The following GFRA1 variants were observed in gnomAD, a reference collection of about 807,000 sequenced individuals.
GFRA1 encodes GDNF family receptor alpha-1.
In GFRA1, 16 loss-of-function variants were observed where a neutral mutation model predicts 51.6. The observed-to-expected ratio is 0.31, with a 90% CI of 0.21 to 0.47. The LOEUF is 0.47. GFRA1 is among the 20% of genes least tolerant of loss of function. The pLI, the probability that GFRA1 is intolerant of heterozygous loss-of-function variation, is 1.00. For missense variants in GFRA1, 530 were observed against 594.3 expected, an observed-to-expected ratio of 0.89 and a Z score of 1.13; for synonymous variants, 270 against 241.3, an observed-to-expected ratio of 1.12 and a Z score of -1.10.
chr10:116,118,578 C>T (rs1277473202), intron 6 of GFRA1, among the ~76,000 whole-genome samples: 2 of 152,140 alleles, frequency 1.3e-5, no homozygotes, highest in Admixed American at 6.5e-5. Context: ...TCCTGAGACC[C>T]TCTGCTGTGA....
intron 5 of GFRA1, among the ~76,000 whole-genome samples, chr10:116,199,206 T>C (rs1432856442): frequency 1.3e-5 from 2 of 152,216 alleles, no homozygotes; most frequent in Non-Finnish European, 2.9e-5. Flanking sequence ...TCCTTTATTA[T>C]AGCATCCTAA....
intron 6 of GFRA1, among the ~76,000 whole-genome samples, chr10:116,109,582 C>T (rs1437406075): frequency 6.6e-6 from 1 of 152,180 alleles, no homozygotes; most frequent in African/African-American, 2.4e-5. Flanking sequence ...CTGTGTTCCC[C>T]CAGAGGGCAC....
At chr10:116,231,096 G>A (rs1195865761) in intron 4 of GFRA1, among the ~76,000 whole-genome samples, 2 of 152,198 alleles carry the variant, frequency 1.3e-5, no homozygotes, top group African/African-American at 2.4e-5. Flanking sequence ...TTCGTGTCAT[G>A]AGGGGTCATG....
chr10:116,198,995 G>A (rs138775983), intron 5 of GFRA1, among the ~76,000 whole-genome samples: 361 of 152,248 alleles, frequency 2.4e-3, no homozygotes, highest in African/African-American at 8.5e-3. Context: ...GATGATGGAG[G>A]CAGAGATGGG....
At chr10:116,154,674 A>T (rs1339992650) in intron 5 of GFRA1, among the ~76,000 whole-genome samples, 3 of 152,150 alleles carry the variant, frequency 2.0e-5, no homozygotes, top group African/African-American at 7.2e-5. Flanking sequence ...CTGTATAGTT[A>T]TGATTTGTTC....
intron 5 of GFRA1, among the ~76,000 whole-genome samples, chr10:116,190,117 A>G (rs1445860068): frequency 6.6e-6 from 1 of 152,184 alleles, no homozygotes; most frequent in African/African-American, 2.4e-5. Flanking sequence ...ACACAACAGC[A>G]TTCTCCCACC....
chr10:116,100,819 G>A (rs970302717), intron 6 of GFRA1, among the ~76,000 whole-genome samples: 11 of 152,146 alleles, frequency 7.2e-5, no homozygotes, highest in South Asian at 2.1e-4. Context: ...GCAAAGAACC[G>A]AGGGCCGGAA....
chr10:116,207,854 T>C (rs886716383), intron 5 of GFRA1, among the ~76,000 whole-genome samples: 6 of 152,082 alleles, frequency 3.9e-5, no homozygotes, highest in Admixed American at 2.6e-4. Context: ...ATGGGGCTAC[T>C]CGTTCTCACT....
At chr10:116,127,894 T>C (rs1340458237) in intron 5 of GFRA1, among the ~76,000 whole-genome samples, 2 of 152,228 alleles carry the variant, frequency 1.3e-5, no homozygotes, top group African/African-American at 4.8e-5. Flanking sequence ...GATCAGACTT[T>C]TAAGGCTGGG....
At chr10:116,123,636 C>A (rs1302127643) in intron 6 of GFRA1, among the ~76,000 whole-genome samples, 2 of 152,144 alleles carry the variant, frequency 1.3e-5, no homozygotes, top group African/African-American at 4.8e-5. Context: ...CAATAGGAAA[C>A]AAGTACATGG....
chr10:116,129,260 T>C (rs1259377605), intron 5 of GFRA1, among the ~76,000 whole-genome samples: 1 of 152,212 alleles, frequency 6.6e-6, no homozygotes, highest in Non-Finnish European at 1.5e-5. Flanking sequence ...TGCTTACGAA[T>C]ACAGATGCAA....
intron 4 of GFRA1, among the ~76,000 whole-genome samples, chr10:116,214,371 G>A (rs901080223): frequency 6.6e-6 from 1 of 152,182 alleles, no homozygotes; most frequent in Non-Finnish European, 1.5e-5. Context: ...TCACCTTTGT[G>A]GGTCCTACCT....
At chr10:116,064,681 T>G in intron 10 of GFRA1, 137 bp from the exon 11 acceptor site, 1 of 760,762 alleles carries the variant, frequency 1.3e-6, no homozygotes, top group Admixed American at 1.9e-5. Context: ...CCACTGAGAC[T>G]TACATTCACT....
chr10:116,150,203 A>G (rs148388357), intron 5 of GFRA1, among the ~76,000 whole-genome samples: 4 of 152,190 alleles, frequency 2.6e-5, no homozygotes, highest in African/African-American at 9.6e-5. Context: ...CTCCTCTCCC[A>G]CTACCACCAC....
At chr10:116,221,625 G>C (rs2134500734) in intron 4 of GFRA1, among the ~76,000 whole-genome samples, 1 of 152,238 alleles carries the variant, frequency 6.6e-6, no homozygotes, top group African/African-American at 2.4e-5. Flanking sequence ...TGGTTTCACT[G>C]TGTTGGCCAG....
chr10:116,158,273 TC>T (rs918173326), intron 5 of GFRA1, among the ~76,000 whole-genome samples: 2 of 152,196 alleles, frequency 1.3e-5, no homozygotes, highest in Non-Finnish European at 2.9e-5. Context: ...ATTGAAGGTT[TC>T]CCTGCTGCCA....
chr10:116,165,741 A>G (rs976258974), intron 5 of GFRA1, among the ~76,000 whole-genome samples: 6 of 152,222 alleles, frequency 3.9e-5, no homozygotes, highest in Admixed American at 2.6e-4. Flanking sequence ...AGAGACAGAG[A>G]GAGGGGCTTG....
chr10:116,131,531 CA>C (rs1958102282), intron 5 of GFRA1, among the ~76,000 whole-genome samples: 1 of 152,088 alleles, frequency 6.6e-6, no homozygotes, highest in Non-Finnish European at 1.5e-5. Context: ...AATGGCTCAA[CA>C]AACTGTGATC....
intron 5 of GFRA1, among the ~76,000 whole-genome samples, chr10:116,129,125 TTTTA>T (rs1363607300): frequency 6.6e-6 from 1 of 152,208 alleles, no homozygotes; most frequent in African/African-American, 2.4e-5. Context: ...CTGACTTCCT[TTTTA>T]TTTCAGATTC....
Sources: gnomAD v4.1 joint callset for allele counts (sites outside exome capture counted in the v4.1 genomes callset) on GRCh38, gnomAD v4.1.1 for gene constraint, MANE v1.5 for transcripts, NCBI Gene and HGNC (gene_info 2026-07-23, HGNC 2026-07-21) for gene names.